RABGAP1: variants seen among roughly 807,000 people sequenced by gnomAD.
RABGAP1 encodes RAB GTPase activating protein 1.
In RABGAP1, 23 loss-of-function variants were observed where a neutral mutation model predicts 137.6. The ratio of observed to expected loss-of-function variants is 0.17; its 90% CI spans 0.12 to 0.24. The LOEUF (loss-of-function observed/expected upper bound fraction) is 0.24. RABGAP1 is among the 10% of genes least tolerant of loss of function. The pLI, the probability that RABGAP1 is intolerant of heterozygous loss-of-function variation, is 1.00. For missense variants in RABGAP1, 906 were observed against 1,275.8 expected (o/e 0.71, Z 4.42); for synonymous variants, 451 against 450.7 (o/e 1.00, Z -0.01).
At chr9:122,996,336 C>A in intron 7 of RABGAP1, 185 bp downstream of exon 7, 1 of 1,188,586 alleles carries the variant, frequency 8.4e-7, no homozygotes, top group East Asian at 2.6e-5. Context: ...AGCTAATACG[C>A]TCTCTTCAAC....
At chr9:123,047,442 G>C (rs193080556) in intron 13 of RABGAP1, among the ~76,000 whole-genome samples, 1 of 152,248 alleles carries the variant, frequency 6.6e-6, no homozygotes, top group African/African-American at 2.4e-5. Context: ...TTAATTCTAG[G>C]AGAGTCCTTT....
intron 2 of RABGAP1, among the ~76,000 whole-genome samples, chr9:122,968,138 A>G (rs1835272521): frequency 6.6e-6 from 1 of 152,052 alleles, no homozygotes; most frequent in Non-Finnish European, 1.5e-5. Flanking sequence ...CAGGTGTGCA[A>G]TGAGTAAAAT....
intron 12 of RABGAP1, among the ~76,000 whole-genome samples, chr9:123,017,428 G>C (rs148006480): frequency 6.6e-6 from 1 of 152,074 alleles, no homozygotes; most frequent in East Asian, 1.9e-4. Context: ...AACTATTTTT[G>C]CTTGCTTTAG....
chr9:123,032,016 G>A lies in RABGAP1; in HGVS notation c.1794+11557G>A, dbSNP rs554732857. Among the ~76,000 whole-genome samples, 21 of 152,344 alleles carry A rather than the reference G, an allele frequency of 1.4e-4. No homozygotes were observed. The South Asian group carries it at 4.3e-3, about 32-fold the overall frequency. On this transcript the variant is annotated intron_variant, in intron 13 of 25. Coordinates refer to ENST00000373647, the MANE Select transcript of RABGAP1 (RefSeq NM_012197.4). ...TAGCCTCAATGTATTTGAGTAATGT[G>A]TGACAGCACTGTATTCAGATAGCTG...
chr9:123,078,431 TA>T (rs1419181511), intron 19 of RABGAP1, among the ~76,000 whole-genome samples: 1 of 152,132 alleles, frequency 6.6e-6, no homozygotes, highest in Non-Finnish European at 1.5e-5. Context: ...GTACAGTGTT[TA>T]ACATAGTGCC....
At chr9:122,943,917 C>T (rs1319126147) in intron 1 of RABGAP1, among the ~76,000 whole-genome samples, 4 of 152,092 alleles carry the variant, frequency 2.6e-5, no homozygotes, top group Admixed American at 2.0e-4. Flanking sequence ...CGCACCACTG[C>T]ACTCCAGCCT....
intron 4 of RABGAP1, 105 bp downstream of exon 4, chr9:122,986,524 C>T: frequency 8.2e-7 from 1 of 1,217,700 alleles, no homozygotes; most frequent in Non-Finnish European, 1.2e-6. Flanking sequence ...AGTTATTTTA[C>T]TTGTGTAACG....
intron 2 of RABGAP1, among the ~76,000 whole-genome samples, chr9:122,970,074 A>T (rs1255549328): frequency 4.9e-5 from 7 of 143,482 alleles, no homozygotes; most frequent in African/African-American, 1.3e-4. Context: ...TATCCGGCTA[A>T]TTTTTTTTTT....
At chr9:123,031,179 G>C (rs1318665572) in intron 13 of RABGAP1, among the ~76,000 whole-genome samples, 7 of 152,146 alleles carry the variant, frequency 4.6e-5, no homozygotes, top group Admixed American at 4.6e-4. Context: ...AAACCACAGA[G>C]AGAATAAGTT....
intron 2 of RABGAP1, among the ~76,000 whole-genome samples, chr9:122,977,511 G>T (rs750617543): frequency 6.6e-6 from 1 of 152,198 alleles, no homozygotes; most frequent in Non-Finnish European, 1.5e-5. Context: ...AGACCAGCCT[G>T]GCCAACATGG....
At chr9:123,044,436 A>G (rs551673153) in intron 13 of RABGAP1, among the ~76,000 whole-genome samples, 9 of 152,216 alleles carry the variant, frequency 5.9e-5, no homozygotes, top group African/African-American at 1.9e-4. Context: ...CTCTTTTCCA[A>G]TTATGGGAAT....
At chr9:123,025,909 C>G (rs939150825) in intron 13 of RABGAP1, among the ~76,000 whole-genome samples, 3 of 151,114 alleles carry the variant, frequency 2.0e-5, no homozygotes, top group African/African-American at 4.9e-5. Flanking sequence ...AGCATTAAGA[C>G]AATGTTAAAT....
intron 1 of RABGAP1, among the ~76,000 whole-genome samples, chr9:122,944,872 C>T (rs10985831): frequency 0.017 from 2,592 of 152,110 alleles, 40 homozygotes; most frequent in Non-Finnish European, 0.025. Context: ...CCACCGCGCC[C>T]GGCCTAAATA....
chr9:122,995,369 G>A (rs1836960917), intron 6 of RABGAP1, among the ~76,000 whole-genome samples: 1 of 152,058 alleles, frequency 6.6e-6, no homozygotes, highest in Non-Finnish European at 1.5e-5. Flanking sequence ...CAAAGAAGGT[G>A]ATAATAATCT....
chr9:123,078,902 C>T lies in RABGAP1; in HGVS notation c.2424+2140C>T, dbSNP rs148889180. Among the ~76,000 whole-genome samples, 45 of 152,320 alleles carry T rather than the reference C, an allele frequency of 3.0e-4. No individual in the cohort carries two copies. In the East Asian group the frequency reaches 7.5e-3, roughly 25 times the overall value. On this transcript the variant is annotated intron_variant, in intron 19 of 25. Coordinates refer to ENST00000373647, the MANE Select transcript of RABGAP1 (RefSeq NM_012197.4). ...GGCTCCCTCCCTGGCTCTTCTCTAT[C>T]GCATGTCTCCTTTGCTGAAAACTCA...
chr9:123,003,835 G>A (rs10985854), intron 10 of RABGAP1, among the ~76,000 whole-genome samples: 11,709 of 152,218 alleles, frequency 0.077, 1,629 homozygotes, highest in East Asian at 0.61. Flanking sequence ...GACATAAGGC[G>A]AACAAAAGAC....
chr9:122,949,921 A>G (rs780416494), intron 1 of RABGAP1, among the ~76,000 whole-genome samples: 2 of 152,214 alleles, frequency 1.3e-5, no homozygotes, highest in Non-Finnish European at 2.9e-5. Flanking sequence ...CAGCTGAGCA[A>G]GCAGCATATG....
intron 1 of RABGAP1, among the ~76,000 whole-genome samples, chr9:122,954,562 AAGT>A (rs1299457161): frequency 2.4e-4 from 37 of 152,334 alleles, no homozygotes; most frequent in Admixed American, 7.2e-4. Context: ...GTAGTATACA[AAGT>A]TGTTAGTGTC....
chr9:123,020,477 C>G lies in RABGAP1; in HGVS notation c.1794+18C>G, dbSNP rs891495330. ...TCACAAAGGTAAGGGGGTGATAATT[C>G]AGCTTCAGCATTAATCCTTTTAGAG... is the stretch of plus-strand genomic sequence containing the variant. On this transcript the variant is annotated intron_variant, in intron 13 of 25. Transcript: ENST00000373647. 5 of 1,523,212 alleles carry G rather than the reference C, an allele frequency of 3.3e-6. No individual in the cohort carries two copies. In the African/African-American group the frequency reaches 5.5e-5, roughly 17 times the overall value. The allele number at this position is 1,523,212 out of a possible 1,614,324, so 94.4% of individuals were successfully genotyped here. A position where few individuals can be genotyped will look rare whatever the true frequency, so the allele number is the denominator to read the frequency against.
Sources: allele counts gnomAD v4.1 joint callset (sites outside exome capture counted in the v4.1 genomes callset), GRCh38; gene constraint gnomAD v4.1.1; transcripts MANE v1.5; gene names NCBI Gene and HGNC (gene_info 2026-07-23, HGNC 2026-07-21).